Variants in NSUN5 observed in about 807,000 individuals in gnomAD.
The protein encoded by NSUN5 is 28S rRNA (cytosine-C(5))-methyltransferase.
A neutral mutation model predicts 51.1 loss-of-function variants in NSUN5; 39 were observed. The ratio of observed to expected loss-of-function variants is 0.76; its 90% confidence interval spans 0.59 to 1.00. The LOEUF is 1.00. Ranked by LOEUF, NSUN5 falls within the 50% of genes least tolerant of loss-of-function variation. The pLI, the probability that NSUN5 is intolerant of heterozygous loss-of-function variation, is 0.00. For synonymous variants in NSUN5, 266 were observed against 271.5 expected (o/e 0.98, Z 0.20); for missense variants, 526 against 614.0 (o/e 0.86, Z 1.51).
Position 73,303,207 on chromosome 7 carries a change from A to G in NSUN5, c.*208T>C. 6.7e-7 allele frequency: 1 copy of G among 1,491,720 alleles called. No homozygotes were observed. Among genetic ancestry groups the G allele is most frequent in the Non-Finnish European group, 8.9e-7 (1 of 1,121,078 alleles). 92.4% of individuals were successfully genotyped at this position (1,491,720 alleles called of 1,614,324 possible). A position where few individuals can be genotyped will look rare whatever the true frequency, so the allele number is the denominator to read the frequency against. ...TTTTTCTCCTGCTTGTGACATTAAG[A>G]ATAAAAAACTGTGATCTATCGTAGA... On this transcript the variant is annotated 3_prime_UTR_variant, in exon 10 of 10. Coordinates refer to ENST00000438747, the MANE Select transcript of NSUN5 (RefSeq NM_148956.4).
chr7:73,303,600 C>G lies in NSUN5; in HGVS notation c.1286G>C (p.Ser429Thr). 6.2e-7 allele frequency: 1 copy of G among 1,614,226 alleles called. No homozygotes were observed. The highest frequency in any genetic ancestry group is 1.1e-5 in the South Asian group (1 of 91,084). The stretch of plus-strand genomic sequence containing the variant: ...CCCAAGCACGCCCCCACTCACTCAC[C>G]TTGGCACCTCGACCCGTTCAATTAC... ...VAVIERVEVP[S>T]SASQAKASAP... Residue 429 changes from serine (S) to threonine (T), a missense_variant and splice_region_variant, in exon 9 of 10, where the codon AGC becomes ACC. Transcript: ENST00000438747.
At position 73,303,602 on chromosome 7, in the gene NSUN5, T is replaced by G. The variant is rs1803891556; in HGVS notation, c.1284A>C (p.Pro428=). 6.2e-7 allele frequency: 1 copy of G among 1,614,178 alleles called. No homozygotes were observed. The highest frequency in any genetic ancestry group is 8.5e-7 in the Non-Finnish European group (1 of 1,180,020). ...FVAVIERVEV[P]SSASQAKASA... ...CAAGCACGCCCCCACTCACTCACCT[T>G]GGCACCTCGACCCGTTCAATTACAG... The change falls in exon 9 of 10, where the codon CCA becomes CCC. Residue 428 remains proline (P), a splice_region_variant and synonymous_variant. Transcript: ENST00000438747.
chr7:73,302,978 A>G lies in NSUN5; in HGVS notation c.*437T>C. ...CAAGCTTCTACCTGTACCTTATGTA[A>G]GGTAGACCCTCCTAGTGTCAGCACC... On this transcript the variant is annotated 3_prime_UTR_variant, in exon 10 of 10. Coordinates refer to ENST00000438747, the MANE Select transcript of NSUN5 (RefSeq NM_148956.4). The G allele has an allele frequency of 8.5e-7, 1 of 1,175,222 alleles. No individual in the cohort carries two copies. The highest frequency in any genetic ancestry group is 1.6e-5 in the African/African-American group (1 of 63,976). 72.8% of individuals were successfully genotyped at this position (1,175,222 alleles called of 1,614,324 possible). A position where few individuals can be genotyped will look rare whatever the true frequency, so the allele number is the denominator to read the frequency against.
intron 2 of NSUN5, 63 bp from the exon 3 acceptor site, chr7:73,307,820 G>A: frequency 7.0e-7 from 1 of 1,422,866 alleles, no homozygotes; most frequent in Non-Finnish European, 9.5e-7. Context: ...GAATGCCTTA[G>A]AACTAACTCT....
In NSUN5 at chr7:73,303,438, C is replaced by CA; in HGVS notation, c.1377dup (p.Ala460CysfsTer14). The CA allele has an allele frequency of 1.9e-6, 3 of 1,614,190 alleles. No homozygotes were observed. Among genetic ancestry groups the CA allele is most frequent in the Non-Finnish European group, 2.5e-6 (3 of 1,180,040 alleles). On this transcript the variant is annotated frameshift_variant, in exon 10 of 10. Coordinates refer to ENST00000438747, the MANE Select transcript of NSUN5 (RefSeq NM_148956.4). LOFTEE classifies it high-confidence loss of function. ...TGCTATGTGCAAGGCGGTGTGCAAG[C>CA]ACCGGCTGCGGCTCTTTGCTGTCTC...
intron 2 of NSUN5, 104 bp downstream of exon 2, chr7:73,308,327 T>A (rs1333813027): frequency 1.4e-6 from 2 of 1,418,032 alleles, no homozygotes; most frequent in Non-Finnish European, 9.4e-7. Context: ...TCATTTCAGA[T>A]GAGCGACTTG....
Position 73,304,831 on chromosome 7 carries a change from G to T in NSUN5, c.671C>A (p.Pro224His). ...ATCGATGACATGGGAGCCTGGCGGG[G>T]GGTCCAGCAGCATGGCTGGGAGACA... Reference protein sequence around the residue: ...ASCLPAMLLDPPPGSHVIDAC... With the variant: ...ASCLPAMLLDHPPGSHVIDAC... Residue 224 changes from proline to histidine, a missense_variant, in exon 6 of 10, where the codon CCC becomes CAC. Pro to His is a moderately conservative substitution (Grantham distance 77, BLOSUM62 -2). Coordinates refer to ENST00000438747, the MANE Select transcript of NSUN5 (RefSeq NM_148956.4). 1 of 1,613,908 alleles carries T rather than the reference G, an allele frequency of 6.2e-7. No homozygotes were observed. The highest frequency in any genetic ancestry group is 8.5e-7 in the Non-Finnish European group (1 of 1,179,854).
At position 73,303,378 on chromosome 7, in the gene NSUN5, C is replaced by T. The variant is rs782193485; in HGVS notation, c.*37G>A. 4 of 1,613,922 alleles carry T rather than the reference C, an allele frequency of 2.5e-6. No individual in the cohort carries two copies. Among genetic ancestry groups the T allele is most frequent in the Admixed American group, 1.7e-5 (1 of 59,990 alleles). On this transcript the variant is annotated 3_prime_UTR_variant, in exon 10 of 10. Transcript: ENST00000438747. Reference sequence around the variant, plus strand: ...CCTCCACGGAGAGGACAGGCATCTTCCTTTCCCACCAGGAAGGAGTCAGCC... The same window carrying T: ...CCTCCACGGAGAGGACAGGCATCTTTCTTTCCCACCAGGAAGGAGTCAGCC...
rs782786538 is a variant in NSUN5, at chr7:73,307,571, C to A, written c.391+12G>T. Reference sequence around the variant, plus strand: ...CCCCGCCTCCCCCACCCCCCAACTCCTTCCAGCTTACCTGGACCAGGCCTG... The same window carrying A: ...CCCCGCCTCCCCCACCCCCCAACTCATTCCAGCTTACCTGGACCAGGCCTG... On this transcript the variant is annotated intron_variant, in intron 3 of 9. Transcript: ENST00000438747. 1.3e-6 allele frequency: 2 copies of A among 1,484,804 alleles called. No individual in the cohort carries two copies. Among genetic ancestry groups the A allele is most frequent in the Admixed American group, 3.5e-5 (2 of 56,734 alleles). The allele number at this position is 1,484,804 out of a possible 1,614,324, so 92.0% of individuals were successfully genotyped here. A position where few individuals can be genotyped will look rare whatever the true frequency, so the allele number is the denominator to read the frequency against.
chr7:73,303,320 C>G lies in NSUN5; in HGVS notation c.*95G>C, dbSNP rs4031003. The G allele has an allele frequency of 6.8e-6, 11 of 1,613,872 alleles. No homozygotes were observed. The highest frequency in any genetic ancestry group is 4.4e-5 in the South Asian group (4 of 91,086). On this transcript the variant is annotated 3_prime_UTR_variant, in exon 10 of 10. Coordinates refer to ENST00000438747, the MANE Select transcript of NSUN5 (RefSeq NM_148956.4). Reference sequence around the variant, plus strand: ...GAAGGGACCCAATAACCTTTCAAAACCCAAACTGCTTCCTGCGGTGAGGGC... The same window carrying G: ...GAAGGGACCCAATAACCTTTCAAAAGCCAAACTGCTTCCTGCGGTGAGGGC...
In NSUN5 at chr7:73,303,609, T is replaced by A; in HGVS notation, c.1277A>T (p.Glu426Val). The change falls in exon 9 of 10, where the codon GAG becomes GTG. Residue 426 changes from glutamate (E) to valine (V), a missense_variant. Transcript: ENST00000438747. ...GFFVAVIERV[E>V]VPSSASQAKA... ...GCCCCCACTCACTCACCTTGGCACC[T>A]CGACCCGTTCAATTACAGCAACGAA... The A allele has an allele frequency of 6.2e-7, 1 of 1,614,168 alleles. No homozygotes were observed. The highest frequency in any genetic ancestry group is 8.5e-7 in the Non-Finnish European group (1 of 1,180,022).
In NSUN5 at chr7:73,307,435, A is replaced by T; in HGVS notation, c.459T>A (p.Tyr153Ter). The change falls in exon 4 of 10, where the codon TAT (tyrosine) becomes TAA (stop). Residue 153 changes from tyrosine to a stop codon, truncating the protein, a stop_gained. Transcript: ENST00000438747. LOFTEE classifies it high-confidence loss of function. ...GATAGGAGAAACCTTGTCTCTTGAA[A>T]TAATCAACTACATCATCGGAGCAGG... The part of the protein sequence containing the change: ...LKTCSDDVVD[Y>*]FKRQGFSYQG... 3.7e-6 allele frequency: 6 copies of T among 1,614,178 alleles called. No individual in the cohort carries two copies. The highest frequency in any genetic ancestry group is 5.1e-6 in the Non-Finnish European group (6 of 1,180,018).
chr7:73,306,093 G>C (rs1268871134), intron 4 of NSUN5, among the ~76,000 whole-genome samples: 1 of 152,108 alleles, frequency 6.6e-6, no homozygotes, highest in East Asian at 1.9e-4. Flanking sequence ...CCAAGAAAGG[G>C]CTTAGCATGG....
intron 4 of NSUN5, among the ~76,000 whole-genome samples, chr7:73,305,948 A>G (rs1804021824): frequency 1.3e-5 from 2 of 152,184 alleles, no homozygotes; most frequent in African/African-American, 4.8e-5. Flanking sequence ...GAGCCAACGA[A>G]GGACAAAACG....
intron 4 of NSUN5, 62 bp from the exon 5 acceptor site, chr7:73,305,159 G>C: frequency 6.3e-7 from 1 of 1,578,850 alleles, no homozygotes; most frequent in Non-Finnish European, 8.6e-7. Context: ...CCATTTCAAC[G>C]GTCCATTCAT....
chr7:73,307,647 G>C lies in NSUN5; in HGVS notation c.327C>G (p.Leu109=). The C allele has an allele frequency of 6.2e-7, 1 of 1,606,860 alleles. No homozygotes were observed. Among genetic ancestry groups the C allele is most frequent in the South Asian group, 1.1e-5 (1 of 90,924 alleles). Residue 109 remains leucine (L), a synonymous_variant, in exon 3 of 10, where the codon CTC becomes CTG. Coordinates refer to ENST00000438747, the MANE Select transcript of NSUN5 (RefSeq NM_148956.4). The part of the protein sequence containing the change: ...QARLKAELAR[L]KVHRGVSRNE... ...TCCGGCTCACACCCCGATGAACCTT[G>C]AGCCGAGCCAACTCAGCCTTGAGCC... is the stretch of plus-strand genomic sequence containing the variant.
chr7:73,308,268 G>A (rs1252556526), intron 2 of NSUN5, 163 bp downstream of exon 2: 2 of 869,132 alleles, frequency 2.3e-6, no homozygotes, highest in East Asian at 2.6e-5. Context: ...CAAAGTTAAA[G>A]CATTTTCATC....
In NSUN5 at chr7:73,303,206, G is replaced by T. The variant is rs1365320415; in HGVS notation, c.*209C>A. 1.9e-5 allele frequency: 28 copies of T among 1,489,448 alleles called. No homozygotes were observed. The African/African-American group carries it at 3.5e-4, about 19-fold the overall frequency. The allele number at this position is 1,489,448 out of a possible 1,614,324, so 92.3% of individuals were successfully genotyped here. A position where few individuals can be genotyped will look rare whatever the true frequency, so the allele number is the denominator to read the frequency against. ...ATTTTTCTCCTGCTTGTGACATTAAGAATAAAAAACTGTGATCTATCGTAG... is the reference window on the plus strand; with the variant it reads ...ATTTTTCTCCTGCTTGTGACATTAATAATAAAAAACTGTGATCTATCGTAG... On this transcript the variant is annotated 3_prime_UTR_variant, in exon 10 of 10. Transcript: ENST00000438747.
chr7:73,307,385 A>G lies in NSUN5; in HGVS notation c.500+9T>C. On this transcript the variant is annotated intron_variant, in intron 4 of 9. Coordinates refer to ENST00000438747, the MANE Select transcript of NSUN5 (RefSeq NM_148956.4). Reference sequence around the variant, plus strand: ...CTAGATGAGGACAGCCAGGGCTCTAAGCTCTCACCTGGAAGCCCGACCCTG... The same window carrying G: ...CTAGATGAGGACAGCCAGGGCTCTAGGCTCTCACCTGGAAGCCCGACCCTG... 4 of 1,604,630 alleles carry G rather than the reference A, an allele frequency of 2.5e-6. No individual in the cohort carries two copies. The highest frequency in any genetic ancestry group is 3.4e-6 in the Non-Finnish European group (4 of 1,171,470).
Sources: allele counts gnomAD v4.1 joint callset (sites outside exome capture counted in the v4.1 genomes callset), GRCh38; gene constraint gnomAD v4.1.1; transcripts MANE v1.5; gene names NCBI Gene and HGNC (gene_info 2026-07-23, HGNC 2026-07-21).